The following CCDC30 variants were observed in gnomAD, a reference collection of about 807,000 sequenced individuals.
The protein encoded by CCDC30 is coiled-coil domain-containing protein 30.
Under a neutral mutation model 100.2 loss-of-function variants are expected in CCDC30, and 70 were observed. That is an observed-to-expected ratio of 0.70 (90% CI 0.58 to 0.85). The LOEUF (loss-of-function observed/expected upper bound fraction) is 0.85, where lower values mean the gene tolerates loss of function less well. Among genes scored for constraint, CCDC30 ranks in the 40% least tolerant of loss-of-function variants. The probability of loss-of-function intolerance (pLI) is 0.00; values close to 1 mark genes in which losing one functional copy is unlikely to be tolerated. For missense variants in CCDC30, 652 were observed against 771.2 expected (o/e 0.85, Z 1.83); for synonymous variants, 233 against 269.5 (o/e 0.86, Z 1.33).
At position 42,556,500 on chromosome 1, in the gene CCDC30, T is replaced by G. The variant is rs531687726; in HGVS notation, c.457-9796T>G. The G allele has an allele frequency of 3.0e-4, 375 of 1,264,820 alleles. 3 individuals are homozygous for G. The African/African-American group carries it at 4.7e-3, about 16-fold the overall frequency. The allele number at this position is 1,264,820 out of a possible 1,614,324, so 78.3% of individuals were successfully genotyped here. A position where few individuals can be genotyped will look rare whatever the true frequency, so the allele number is the denominator to read the frequency against. ...TTAAATACCATCATTCATATATATG[T>G]TTTTTTTTATTTTTTTAGGTACATA... is the stretch of plus-strand genomic sequence containing the variant. On this transcript the variant is annotated intron_variant, in intron 6 of 16. Coordinates refer to ENST00000668663, the Ensembl canonical transcript of CCDC30.
chr1:42,597,525 T>C (rs1024808062), intron 10 of CCDC30, among the ~76,000 whole-genome samples: 5 of 152,122 alleles, frequency 3.3e-5, no homozygotes, highest in Non-Finnish European at 7.4e-5. Context: ...TTTAAAGTGT[T>C]GAGGCCGGGC....
At chr1:42,613,490 G>A (rs911809607) in intron 11 of CCDC30, among the ~76,000 whole-genome samples, 6 of 152,032 alleles carry the variant, frequency 3.9e-5, no homozygotes, top group African/African-American at 4.8e-5. Context: ...ATCTTCTGAC[G>A]TGATCCACCC....
At chr1:42,531,501 C>T (rs1224636316) in intron 6 of CCDC30, among the ~76,000 whole-genome samples, 1 of 152,156 alleles carries the variant, frequency 6.6e-6, no homozygotes. Context: ...TGACTCACAC[C>T]TGTAATCCTA....
intron 9 of CCDC30, among the ~76,000 whole-genome samples, chr1:42,586,704 G>T (rs148807986): frequency 5.9e-5 from 9 of 152,136 alleles, no homozygotes; most frequent in African/African-American, 2.2e-4. Flanking sequence ...TTAAGAGTAT[G>T]GGGTTCCTGA....
intron 1 of CCDC30, among the ~76,000 whole-genome samples, chr1:42,475,148 C>G (rs774146202): frequency 9.9e-5 from 15 of 151,890 alleles, no homozygotes; most frequent in Non-Finnish European, 1.9e-4. Context: ...GTCATCATAC[C>G]TATGGGAAAC....
At chr1:42,457,449 T>A in the CCDC30 span, 1 of 1,020,874 alleles carries the variant, frequency 9.8e-7, no homozygotes, top group Non-Finnish European at 1.5e-6. Flanking sequence ...CTGTATTCGC[T>A]AGGCACAGGG....
chr1:42,537,969 C>CAAA lies in CCDC30; in HGVS notation c.457-28313_457-28311dup, dbSNP rs573354651. ...GGGCAACAAGAGCGAAACTCCATCT[C>CAAA]AAAAAAAAAAAAAAAATCTGCATTT... On this transcript the variant is annotated intron_variant, in intron 6 of 16. Coordinates refer to ENST00000668663, the Ensembl canonical transcript of CCDC30. 8.9e-5 allele frequency: 11 copies of CAAA among 123,704 alleles called. No individual in the cohort carries two copies. In the South Asian group the frequency reaches 1.6e-3, roughly 18 times the overall value. The allele number at this position is 123,704 out of a possible 1,614,324, so 7.7% of individuals were successfully genotyped here.
At chr1:42,501,590 C>T (rs1352244171) in intron 6 of CCDC30, among the ~76,000 whole-genome samples, 1 of 152,144 alleles carries the variant, frequency 6.6e-6, no homozygotes, top group East Asian at 1.9e-4. Context: ...GTGGTTTTAT[C>T]TACCTTTGGT....
At chr1:42,500,409 C>T (rs911204719) in intron 6 of CCDC30, 32 of 957,664 alleles carry the variant, frequency 3.3e-5, no homozygotes, top group Admixed American at 3.2e-4. Context: ...TGGCCACCAC[C>T]GAGTTCTCTC....
chr1:42,488,167 G>A (rs916382286), intron 3 of CCDC30, among the ~76,000 whole-genome samples: 1 of 151,022 alleles, frequency 6.6e-6, no homozygotes. Flanking sequence ...TTTTTAAATC[G>A]ATGCTAACCA....
chr1:42,462,488 G>A (rs964252670), upstream of CCDC30, among the ~76,000 whole-genome samples: 1 of 152,110 alleles, frequency 6.6e-6, no homozygotes, highest in Non-Finnish European at 1.5e-5. Context: ...AGTAAAATAC[G>A]TCCGGATAAT....
At chr1:42,637,469 A>G in intron 12 of CCDC30, 91 bp downstream of exon 16, 1 of 1,183,968 alleles carries the variant, frequency 8.4e-7, no homozygotes, top group Non-Finnish European at 1.2e-6. Flanking sequence ...ATTATTTGAG[A>G]CCCCTTCATA....
At chr1:42,479,581 A>C (rs2148452818) in intron 1 of CCDC30, among the ~76,000 whole-genome samples, 1 of 151,732 alleles carries the variant, frequency 6.6e-6, no homozygotes, top group Middle Eastern at 3.4e-3. Context: ...AAAAAAAAAA[A>C]AGCCTCCCAA....
intron 15 of CCDC30, among the ~76,000 whole-genome samples, chr1:42,647,720 G>A (rs76036399): frequency 0.098 from 14,857 of 152,128 alleles, 958 homozygotes; most frequent in East Asian, 0.3. Flanking sequence ...ATTGTGTCAA[G>A]TATCTTCTTT....
chr1:42,495,440 G>A (rs966020107), intron 4 of CCDC30, among the ~76,000 whole-genome samples: 3 of 151,690 alleles, frequency 2.0e-5, no homozygotes, highest in African/African-American at 7.3e-5. Flanking sequence ...ACACCAGCAT[G>A]TCACATGTAT....
At chr1:42,597,452 A>G (rs1209481673) in intron 10 of CCDC30, among the ~76,000 whole-genome samples, 1 of 152,198 alleles carries the variant, frequency 6.6e-6, no homozygotes, top group Non-Finnish European at 1.5e-5. Flanking sequence ...AGGAACAAAG[A>G]TAAGAATTAC....
chr1:42,599,153 T>C (rs2148621923), intron 10 of CCDC30, among the ~76,000 whole-genome samples: 2 of 152,314 alleles, frequency 1.3e-5, no homozygotes, highest in Middle Eastern at 3.4e-3. Flanking sequence ...ATAGCAACAA[T>C]GTATTTGATT....
intron 6 of CCDC30, among the ~76,000 whole-genome samples, chr1:42,533,479 G>A (rs940836365): frequency 6.6e-6 from 1 of 152,286 alleles, no homozygotes; most frequent in Admixed American, 6.5e-5. Context: ...AGAACTTAAG[G>A]GAACTTGACC....
chr1:42,525,284 A>G (rs1256292838), intron 6 of CCDC30, among the ~76,000 whole-genome samples: 3 of 152,184 alleles, frequency 2.0e-5, no homozygotes, highest in Non-Finnish European at 4.4e-5. Context: ...ATGTGTTTAC[A>G]TCCTTTGGTA....
Sources: allele counts gnomAD v4.1 joint callset (sites outside exome capture counted in the v4.1 genomes callset), GRCh38; gene constraint gnomAD v4.1.1; transcripts MANE v1.5; gene names NCBI Gene and HGNC (gene_info 2026-07-23, HGNC 2026-07-21).